The following ZBTB7C variants were observed in gnomAD, a reference collection of about 807,000 sequenced individuals.
The protein encoded by ZBTB7C is zinc finger and BTB domain-containing protein 7C.
In ZBTB7C, 8 loss-of-function variants were observed where a neutral mutation model predicts 25.7. The observed-to-expected ratio is 0.31, with a 90% CI of 0.18 to 0.56. The LOEUF (loss-of-function observed/expected upper bound fraction) is 0.56. Among genes scored for constraint, ZBTB7C ranks in the 20% least tolerant of loss-of-function variants. ZBTB7C has a pLI of 0.91. For missense variants in ZBTB7C, 824 were observed against 855.2 expected, an observed-to-expected ratio of 0.96 and a Z score of 0.46; for synonymous variants, 394 against 369.0, an observed-to-expected ratio of 1.07 and a Z score of -0.78.
intron 2 of ZBTB7C, among the ~76,000 whole-genome samples, chr18:48,239,330 G>A (rs2043462785): frequency 6.6e-6 from 1 of 152,140 alleles, no homozygotes; most frequent in Admixed American, 6.5e-5. Flanking sequence ...GAGACCTTAG[G>A]CAAGCTTGTA....
At chr18:48,353,393 T>C (rs2046906365) in intron 1 of ZBTB7C, among the ~76,000 whole-genome samples, 1 of 152,222 alleles carries the variant, frequency 6.6e-6, no homozygotes, top group Admixed American at 6.5e-5. Flanking sequence ...ATGGATTTGT[T>C]GATTCCTCCT....
At chr18:48,180,112 T>TTTCCTCCCTCCCTTCC (rs2041866775) in intron 3 of ZBTB7C, among the ~76,000 whole-genome samples, 1 of 52,088 alleles carries the variant, frequency 1.9e-5, no homozygotes, top group Non-Finnish European at 3.4e-5. Context: ...CCTTCCTTCC[T>TTTCCTCCCTCCCTTCC]TTCCTTCCTT....
At chr18:48,081,520 G>A (rs539742902) in intron 3 of ZBTB7C, among the ~76,000 whole-genome samples, 7 of 151,312 alleles carry the variant, frequency 4.6e-5, no homozygotes, top group African/African-American at 1.7e-4. Context: ...GTGCAGTGGT[G>A]CAATCTCAGC....
At chr18:48,182,593 C>T (rs1987193) in intron 3 of ZBTB7C, among the ~76,000 whole-genome samples, 37,192 of 152,026 alleles carry the variant, frequency 0.24, 5,165 homozygotes, top group South Asian at 0.37. Flanking sequence ...ACTGTGCTGA[C>T]GGATGACCTA....
chr18:48,389,189 A>C (rs1240378993), intron 1 of ZBTB7C, among the ~76,000 whole-genome samples: 5 of 64,120 alleles, frequency 7.8e-5, no homozygotes, highest in Non-Finnish European at 1.4e-4. Context: ...GAGCCCTTTA[A>C]CTCTCTCTCT....
At chr18:48,199,831 G>C (rs912468908) in intron 2 of ZBTB7C, among the ~76,000 whole-genome samples, 1 of 152,188 alleles carries the variant, frequency 6.6e-6, no homozygotes, top group Non-Finnish European at 1.5e-5. Flanking sequence ...TCATTTTCCA[G>C]AGGATATGAT....
chr18:48,119,495 A>G (rs954380154), intron 3 of ZBTB7C, among the ~76,000 whole-genome samples: 1 of 152,176 alleles, frequency 6.6e-6, no homozygotes, highest in Non-Finnish European at 1.5e-5. Flanking sequence ...TCATTTTCCA[A>G]CAAAGTGCAC....
intron 1 of ZBTB7C, among the ~76,000 whole-genome samples, chr18:48,383,736 C>T (rs952530012): frequency 2.6e-5 from 4 of 152,140 alleles, no homozygotes; most frequent in Non-Finnish European, 4.4e-5. Flanking sequence ...GTAGAAACAG[C>T]ACACAGCAGA....
intron 1 of ZBTB7C, among the ~76,000 whole-genome samples, chr18:48,408,831 C>T (rs1033928627): frequency 6.6e-6 from 1 of 151,698 alleles, no homozygotes; most frequent in Non-Finnish European, 1.5e-5. Context: ...CCTTTCCAGC[C>T]CCGCGCGCCA....
chr18:48,065,172 G>A (rs1440766532), intron 3 of ZBTB7C, among the ~76,000 whole-genome samples: 1 of 151,440 alleles, frequency 6.6e-6, no homozygotes, highest in Non-Finnish European at 1.5e-5. Flanking sequence ...AGGCCCAGCT[G>A]GCTGGACCCC....
intron 1 of ZBTB7C, among the ~76,000 whole-genome samples, chr18:48,363,251 A>G (rs548674154): frequency 3.3e-5 from 5 of 152,234 alleles, no homozygotes; most frequent in Non-Finnish European, 4.4e-5. Context: ...GAGTGTTTCT[A>G]TAGGAGGGTG....
intron 2 of ZBTB7C, among the ~76,000 whole-genome samples, chr18:48,331,082 C>G (rs901616531): frequency 6.6e-6 from 1 of 152,066 alleles, no homozygotes; most frequent in African/African-American, 2.4e-5. Flanking sequence ...CTCATTTGTC[C>G]CGGGGGCCAG....
intron 2 of ZBTB7C, among the ~76,000 whole-genome samples, chr18:48,204,014 A>C (rs2042518321): frequency 6.6e-6 from 1 of 152,200 alleles, no homozygotes; most frequent in Non-Finnish European, 1.5e-5. Context: ...GGTGGCCCAC[A>C]CATCAGCTAC....
At chr18:48,206,645 G>A (rs1568302163) in intron 2 of ZBTB7C, among the ~76,000 whole-genome samples, 1 of 152,180 alleles carries the variant, frequency 6.6e-6, no homozygotes, top group Non-Finnish European at 1.5e-5. Flanking sequence ...GGGTAACAGA[G>A]CAAGATAATA....
chr18:48,287,008 C>A (rs2045076918), intron 2 of ZBTB7C, among the ~76,000 whole-genome samples: 1 of 151,330 alleles, frequency 6.6e-6, no homozygotes, highest in African/African-American at 2.4e-5. Flanking sequence ...AACAAACAAA[C>A]AAACAAACAA....
chr18:48,034,364 C>T (rs1244613954), intron 4 of ZBTB7C, among the ~76,000 whole-genome samples: 1 of 152,122 alleles, frequency 6.6e-6, no homozygotes, highest in African/African-American at 2.4e-5. Flanking sequence ...AGTGCACAGC[C>T]CACCACATTA....
At chr18:48,386,526 A>G (rs1035427234) in intron 1 of ZBTB7C, among the ~76,000 whole-genome samples, 2 of 152,206 alleles carry the variant, frequency 1.3e-5, no homozygotes, top group Non-Finnish European at 2.9e-5. Context: ...CACAGCGACC[A>G]TATTTTTCAA....
chr18:48,208,534 G>A (rs759295172), intron 2 of ZBTB7C, among the ~76,000 whole-genome samples: 4 of 152,170 alleles, frequency 2.6e-5, no homozygotes, highest in Non-Finnish European at 4.4e-5. Context: ...TTGGCACAGA[G>A]CCTGGAGTCT....
chr18:48,176,135 A>T (rs749075950), intron 3 of ZBTB7C, among the ~76,000 whole-genome samples: 7 of 152,238 alleles, frequency 4.6e-5, no homozygotes, highest in Non-Finnish European at 1.0e-4. Context: ...GATCAAAATT[A>T]ACATCACCAA....
Sources: allele counts gnomAD v4.1 joint callset (sites outside exome capture counted in the v4.1 genomes callset), GRCh38; gene constraint gnomAD v4.1.1; transcripts MANE v1.5; gene names NCBI Gene and HGNC (gene_info 2026-07-23, HGNC 2026-07-21).